KCNC1: variants seen among roughly 807,000 people sequenced by gnomAD.
The protein encoded by KCNC1 is voltage-gated potassium channel KCNC1.
In KCNC1, 8 loss-of-function variants were observed where a neutral mutation model predicts 43.4. The ratio of observed to expected loss-of-function variants is 0.18; its 90% CI spans 0.11 to 0.33. The LOEUF (loss-of-function observed/expected upper bound fraction) is 0.33, where lower values mean the gene tolerates loss of function less well. KCNC1 is among the 10% of genes least tolerant of loss of function. KCNC1 has a pLI of 1.00. For missense variants in KCNC1, 420 were observed against 836.0 expected, an observed-to-expected ratio of 0.50 and a Z score of 6.14; for synonymous variants, 361 against 360.5, an observed-to-expected ratio of 1.00 and a Z score of -0.01.
At chr11:17,740,471 A>AGG (rs974231716) in intron 1 of KCNC1, among the ~76,000 whole-genome samples, 3 of 152,048 alleles carry the variant, frequency 2.0e-5, no homozygotes, top group African/African-American at 7.3e-5. Context: ...GAGAGCAGGC[A>AGG]GGGGAGTGTT....
intron 1 of KCNC1, among the ~76,000 whole-genome samples, chr11:17,763,455 C>A (rs573769747): frequency 1.3e-5 from 2 of 151,794 alleles, no homozygotes; most frequent in Non-Finnish European, 2.9e-5. Flanking sequence ...GGGAGATGGC[C>A]CGGACACGCA....
rs1317767595 is a variant in KCNC1, at chr11:17,777,880, C to T, written c.1505-1576C>T. The T allele has an allele frequency of 6.1e-6, 6 of 984,910 alleles. No individual in the cohort carries two copies. The highest frequency in any genetic ancestry group is 6.1e-5 in the Admixed American group (1 of 16,272). 61.0% of individuals were successfully genotyped at this position (984,910 alleles called of 1,614,324 possible). A position where few individuals can be genotyped will look rare whatever the true frequency, so the allele number is the denominator to read the frequency against. The stretch of plus-strand genomic sequence containing the variant: ...GATGTGTACACGGGCGGTAATCCCA[C>T]CCACGTGCACGCCCAGCGTGTGCAC... On this transcript the variant is annotated intron_variant, in intron 2 of 3. Coordinates refer to ENST00000265969, the MANE Select transcript of KCNC1 (RefSeq NM_001112741.2). The surrounding 1 kb of genome is among the most constrained non-coding windows in gnomAD (Gnocchi z 4.3).
chr11:17,743,724 C>T (rs961762696), intron 1 of KCNC1, among the ~76,000 whole-genome samples: 2 of 152,186 alleles, frequency 1.3e-5, no homozygotes, highest in African/African-American at 2.4e-5. Flanking sequence ...GGCTCCCTTC[C>T]GCCAGCCTCC....
rs763794003 is a variant in KCNC1, at chr11:17,771,795, G to A, written c.701G>A (p.Arg234His). Residue 234 changes from arginine (R) to histidine (H), a missense_variant, in exon 2 of 4, where the codon CGC becomes CAC. Transcript: ENST00000265969. This position sits in a 1 kb window ranked among gnomAD's most constrained non-coding sequence, Gnocchi z 4.7. ...IENVRNGTQV[R>H]YYREAETEAF... ...AACGTTCGCAATGGCACGCAAGTGC[G>A]CTACTACCGGGAGGCCGAGACGGAG... 9.3e-6 allele frequency: 15 copies of A among 1,614,234 alleles called. No homozygotes were observed. The East Asian group carries it at 2.5e-4, about 26-fold the overall frequency.
chr11:17,768,152 G>A (rs1233678837), intron 1 of KCNC1, among the ~76,000 whole-genome samples: 1 of 152,154 alleles, frequency 6.6e-6, no homozygotes. Flanking sequence ...GAGACTCCTG[G>A]GGAACTCCCT....
Position 17,735,672 on chromosome 11 carries a change from CCTCA to C in KCNC1, c.-327_-324del, listed in dbSNP as rs1160647837. ...GAGCCCGCCCCCCTCCCTCTTTCCC[CCTCA>C]CTCCCTCCCTCCCTCCCTTTCTCCC... On this transcript the variant is annotated 5_prime_UTR_variant, in exon 1 of 4. Transcript: ENST00000265969. This position sits in a 1 kb window ranked among gnomAD's most constrained non-coding sequence, Gnocchi z 6.7. 7.6e-6 allele frequency: 1 copy of C among 132,004 alleles called. No homozygotes were observed. Among genetic ancestry groups the C allele is most frequent in the African/African-American group, 2.8e-5 (1 of 35,976 alleles). 8.2% of individuals were successfully genotyped at this position (132,004 alleles called of 1,614,324 possible).
chr11:17,766,811 G>A (rs948962904), intron 1 of KCNC1, among the ~76,000 whole-genome samples: 1 of 151,954 alleles, frequency 6.6e-6, no homozygotes, highest in African/African-American at 2.4e-5. Context: ...GTGGGGCTGG[G>A]TTTTTAACTC....
At chr11:17,757,859 T>A (rs971063061) in intron 1 of KCNC1, among the ~76,000 whole-genome samples, 8 of 152,262 alleles carry the variant, frequency 5.3e-5, no homozygotes, top group Non-Finnish European at 1.2e-4. Context: ...ATCTTTTTGC[T>A]GATAGAGGGT....
Position 17,779,541 on chromosome 11 carries a change from G to C in KCNC1, c.1590G>C (p.Glu530Asp). The stretch of plus-strand genomic sequence containing the variant: ...TAGACCAGGCCCTCACTCCCGATGA[G>C]GGCCTGCCCTTTACGCGCTCGGGCA... ...PHIDQALTPD[E>D]GLPFTRSGTR... Residue 530 changes from glutamate (E) to aspartate (D), a missense_variant, in exon 3 of 4, where the codon GAG (glutamate) becomes GAC (aspartate). Transcript: ENST00000265969. The surrounding 1 kb of genome is among the most constrained non-coding windows in gnomAD (Gnocchi z 7.2). 3.9e-6 allele frequency: 6 copies of C among 1,551,512 alleles called. No homozygotes were observed. Among genetic ancestry groups the C allele is most frequent in the Non-Finnish European group, 4.4e-6 (5 of 1,146,956 alleles).
At chr11:17,752,559 CT>C (rs1848981030) in intron 1 of KCNC1, among the ~76,000 whole-genome samples, 1 of 152,254 alleles carries the variant, frequency 6.6e-6, no homozygotes, top group African/African-American at 2.4e-5. Flanking sequence ...TGAATGCATA[CT>C]TGCACCAATG....
intron 1 of KCNC1, among the ~76,000 whole-genome samples, chr11:17,760,080 A>G (rs1849061285): frequency 6.6e-6 from 1 of 152,224 alleles, no homozygotes. Context: ...GGCTTTCCCA[A>G]AAAAATGTTT....
chr11:17,746,681 C>T (rs1255516080), intron 1 of KCNC1, among the ~76,000 whole-genome samples: 1 of 152,184 alleles, frequency 6.6e-6, no homozygotes, highest in Non-Finnish European at 1.5e-5. Flanking sequence ...CTGCTTTGGG[C>T]CTCCTTCTGC....
intron 1 of KCNC1, among the ~76,000 whole-genome samples, chr11:17,755,358 G>T (rs1849012221): frequency 6.6e-6 from 1 of 152,156 alleles, no homozygotes; most frequent in Admixed American, 6.5e-5. Context: ...GCAGAGAAAT[G>T]ACACAGTTCG....
chr11:17,747,179 C>T (rs1487506451), intron 1 of KCNC1, among the ~76,000 whole-genome samples: 1 of 152,122 alleles, frequency 6.6e-6, no homozygotes, highest in Non-Finnish European at 1.5e-5. Flanking sequence ...ACTTCAGAGG[C>T]GTCACCCTGG....
In KCNC1 at chr11:17,779,371, C is replaced by T; in HGVS notation, c.1505-85C>T. The T allele has an allele frequency of 8.4e-7, 1 of 1,184,490 alleles. No homozygotes were observed. The highest frequency in any genetic ancestry group is 1.1e-6 in the Non-Finnish European group (1 of 874,650). The allele number at this position is 1,184,490 out of a possible 1,614,324, so 73.4% of individuals were successfully genotyped here. A position where few individuals can be genotyped will look rare whatever the true frequency, so the allele number is the denominator to read the frequency against. On this transcript the variant is annotated intron_variant, in intron 2 of 3. Coordinates refer to ENST00000265969, the MANE Select transcript of KCNC1 (RefSeq NM_001112741.2). The surrounding 1 kb of genome is among the most constrained non-coding windows in gnomAD (Gnocchi z 7.2). ...CAGGGACGCTCAAGCTGCCCTCTGC[C>T]AATACCCCGCTTCTGGCCTGTCCCC...
chr11:17,770,130 C>G (rs1349182140), intron 1 of KCNC1, among the ~76,000 whole-genome samples: 1 of 152,232 alleles, frequency 6.6e-6, no homozygotes, highest in Non-Finnish European at 1.5e-5. Context: ...TTCCAGGGCA[C>G]CCCCTGGGTG....
intron 2 of KCNC1, chr11:17,775,015 C>CT: frequency 1.0e-6 from 1 of 985,336 alleles, no homozygotes; most frequent in Non-Finnish European, 1.2e-6. Context: ...TCCCATTCAC[C>CT]TTTTTTCCTG....
Position 17,779,392 on chromosome 11 carries a change from T to TC in KCNC1, c.1505-57dup, listed in dbSNP as rs1018086648. The TC allele has an allele frequency of 4.2e-4, 565 of 1,333,718 alleles. No homozygotes were observed. The highest frequency in any genetic ancestry group is 4.8e-4 in the Non-Finnish European group (485 of 1,016,162). The allele number at this position is 1,333,718 out of a possible 1,614,324, so 82.6% of individuals were successfully genotyped here. A position where few individuals can be genotyped will look rare whatever the true frequency, so the allele number is the denominator to read the frequency against. ...CTGCCAATACCCCGCTTCTGGCCTG[T>TC]CCCCCCCTGCCCCCCACTAAACAGT... is the stretch of plus-strand genomic sequence containing the variant. On this transcript the variant is annotated intron_variant, in intron 2 of 3. Transcript: ENST00000265969. This position sits in a 1 kb window ranked among gnomAD's most constrained non-coding sequence, Gnocchi z 7.2.
In KCNC1 at chr11:17,777,291, G is replaced by A; in HGVS notation, c.1505-2165G>A. 4 of 985,904 alleles carry A rather than the reference G, an allele frequency of 4.1e-6. No homozygotes were observed. The highest frequency in any genetic ancestry group is 1.7e-5 in the African/African-American group (1 of 57,334). The allele number at this position is 985,904 out of a possible 1,614,324, so 61.1% of individuals were successfully genotyped here. A position where few individuals can be genotyped will look rare whatever the true frequency, so the allele number is the denominator to read the frequency against. On this transcript the variant is annotated intron_variant, in intron 2 of 3. Coordinates refer to ENST00000265969, the MANE Select transcript of KCNC1 (RefSeq NM_001112741.2). The surrounding 1 kb of genome is among the most constrained non-coding windows in gnomAD (Gnocchi z 4.3). ...ACCCCTCCCCAGGCAAGAACTGCAGGCTGTGGACACCTCCCCTGGCAGAGG... is the reference window on the plus strand; with the variant it reads ...ACCCCTCCCCAGGCAAGAACTGCAGACTGTGGACACCTCCCCTGGCAGAGG...
Sources: gnomAD v4.1 joint callset for allele counts (sites outside exome capture counted in the v4.1 genomes callset) on GRCh38, gnomAD v4.1.1 for gene constraint, Gnocchi (gnomAD v3.1) non-coding constraint, MANE v1.5 for transcripts, NCBI Gene and HGNC (gene_info 2026-07-23, HGNC 2026-07-21) for gene names.